Variants in FARS2 observed in about 807,000 individuals in gnomAD.
FARS2 encodes phenylalanine--tRNA ligase, mitochondrial.
Under a neutral mutation model 46.4 loss-of-function variants are expected in FARS2, and 40 were observed. The observed-to-expected ratio is 0.86, with a 90% confidence interval of 0.67 to 1.12. The LOEUF (loss-of-function observed/expected upper bound fraction) is 1.12. FARS2 is among the 50% of genes most tolerant of loss of function. The probability of loss-of-function intolerance (pLI) is 0.00; values close to 1 mark genes in which losing one functional copy is unlikely to be tolerated. For missense variants in FARS2, 513 were observed against 567.9 expected, an observed-to-expected ratio of 0.90 and a Z score of 0.98; for synonymous variants, 234 against 214.9, an observed-to-expected ratio of 1.09 and a Z score of -0.78.
intron 6 of FARS2, among the ~76,000 whole-genome samples, chr6:5,627,026 GT>G (rs1776068627): frequency 6.6e-6 from 1 of 152,208 alleles, no homozygotes; most frequent in Non-Finnish European, 1.5e-5. Context: ...CTTCATAAAA[GT>G]GGCAGCGTAG....
intron 6 of FARS2, among the ~76,000 whole-genome samples, chr6:5,674,398 G>A (rs1778649034): frequency 6.6e-6 from 1 of 151,964 alleles, no homozygotes; most frequent in Admixed American, 6.6e-5. Context: ...TTTTTGACAG[G>A]GATATTAAGA....
intron 6 of FARS2, among the ~76,000 whole-genome samples, chr6:5,655,335 T>C (rs768250704): frequency 2.6e-5 from 4 of 152,206 alleles, no homozygotes; most frequent in African/African-American, 4.8e-5. Context: ...TCATTCCTTT[T>C]TGTGTCCAGG....
chr6:5,670,860 T>G (rs1050944829), intron 6 of FARS2, among the ~76,000 whole-genome samples: 19 of 152,204 alleles, frequency 1.2e-4, no homozygotes, highest in African/African-American at 4.3e-4. Context: ...CAACCGGGGC[T>G]CTTCATAATT....
intron 1 of FARS2, among the ~76,000 whole-genome samples, chr6:5,271,930 A>C (rs1765984405): frequency 6.6e-6 from 1 of 152,120 alleles, no homozygotes; most frequent in African/African-American, 2.4e-5. Context: ...GTAAGCTCCA[A>C]ATACAGTAAG....
upstream of FARS2, chr6:5,260,896 C>A (rs891934326): frequency 2.9e-6 from 4 of 1,395,744 alleles, no homozygotes; most frequent in Non-Finnish European, 3.7e-6. Flanking sequence ...CCCTGCGGAT[C>A]GCGGACGGCG....
At chr6:5,328,333 T>C (rs1770542769) in intron 1 of FARS2, among the ~76,000 whole-genome samples, 1 of 152,206 alleles carries the variant, frequency 6.6e-6, no homozygotes, top group Non-Finnish European at 1.5e-5. Context: ...ATATTCTTTA[T>C]AATTTTACGG....
intron 6 of FARS2, among the ~76,000 whole-genome samples, chr6:5,721,072 A>T (rs748873301): frequency 6.6e-6 from 1 of 152,216 alleles, no homozygotes; most frequent in Non-Finnish European, 1.5e-5. Context: ...AATAAAGTTT[A>T]AATGTTTTAA....
intron 6 of FARS2, among the ~76,000 whole-genome samples, chr6:5,632,026 A>G (rs983613822): frequency 6.6e-6 from 1 of 152,242 alleles, no homozygotes; most frequent in Non-Finnish European, 1.5e-5. Flanking sequence ...TATGAAAATT[A>G]AAGTTAGATA....
intron 3 of FARS2, among the ~76,000 whole-genome samples, chr6:5,419,059 C>T (rs1047934157): frequency 6.6e-6 from 1 of 151,998 alleles, no homozygotes; most frequent in Non-Finnish European, 1.5e-5. Context: ...TATATTCTTA[C>T]ATCTCTCTCA....
intron 6 of FARS2, among the ~76,000 whole-genome samples, chr6:5,755,087 G>A (rs1762136669): frequency 6.6e-6 from 1 of 152,126 alleles, no homozygotes; most frequent in African/African-American, 2.4e-5. Context: ...ATTCCAAACA[G>A]TTCCTTAGAG....
intron 4 of FARS2, among the ~76,000 whole-genome samples, chr6:5,443,389 G>A (rs1487912626): frequency 6.6e-6 from 1 of 152,214 alleles, no homozygotes; most frequent in Non-Finnish European, 1.5e-5. Context: ...TGTGCACTTG[G>A]TTCCCTGACT....
chr6:5,585,575 C>T, intron 5 of FARS2, among the ~76,000 whole-genome samples: 1 of 151,830 alleles, frequency 6.6e-6, no homozygotes, highest in Non-Finnish European at 1.5e-5. Flanking sequence ...TACTATTCGT[C>T]TTTATATGTC....
At chr6:5,687,010 G>C (rs1290492050) in intron 6 of FARS2, among the ~76,000 whole-genome samples, 1 of 152,236 alleles carries the variant, frequency 6.6e-6, no homozygotes, top group Non-Finnish European at 1.5e-5. Flanking sequence ...CTTTTGAGAA[G>C]TATCTGTTCA....
the FARS2 span, among the ~76,000 whole-genome samples, chr6:5,250,697 A>T: frequency 6.7e-6 from 1 of 149,392 alleles, no homozygotes; most frequent in Non-Finnish European, 1.5e-5. Flanking sequence ...CTCTATATGA[A>T]ATCCAGTAAT....
intron 1 of FARS2, among the ~76,000 whole-genome samples, chr6:5,328,730 G>T (rs1182244833): frequency 2.0e-5 from 3 of 151,990 alleles, no homozygotes; most frequent in Non-Finnish European, 4.4e-5. Flanking sequence ...ATTGAGTTAG[G>T]AATCTCTTCC....
At chr6:5,489,261 A>G (rs1289624667) in intron 4 of FARS2, among the ~76,000 whole-genome samples, 1 of 151,998 alleles carries the variant, frequency 6.6e-6, no homozygotes, top group African/African-American at 2.4e-5. Flanking sequence ...TGAGACTAGC[A>G]TGGCCAACAT....
At chr6:5,264,515 C>G (rs1407552682) in intron 1 of FARS2, among the ~76,000 whole-genome samples, 15 of 143,744 alleles carry the variant, frequency 1.0e-4, no homozygotes, top group Admixed American at 6.3e-4. Flanking sequence ...TTTTTTGAGA[C>G]AGAGTTTCAC....
chr6:5,495,028 T>G (rs547923607), intron 4 of FARS2, among the ~76,000 whole-genome samples: 2 of 152,342 alleles, frequency 1.3e-5, no homozygotes, highest in Admixed American at 6.5e-5. Context: ...GACTGCTGTG[T>G]GAGGTTGAAC....
At chr6:5,269,200 A>T (rs1439991407) in intron 1 of FARS2, among the ~76,000 whole-genome samples, 1 of 152,186 alleles carries the variant, frequency 6.6e-6, no homozygotes, top group African/African-American at 2.4e-5. Flanking sequence ...GACATGGATG[A>T]AGCTGGAAAC....
Sources: allele counts gnomAD v4.1 joint callset (sites outside exome capture counted in the v4.1 genomes callset), GRCh38; gene constraint gnomAD v4.1.1; transcripts MANE v1.5; gene names NCBI Gene and HGNC (gene_info 2026-07-23, HGNC 2026-07-21).